RANBP2: variants seen among roughly 807,000 people sequenced by gnomAD.
RANBP2 encodes E3 SUMO-protein ligase RanBP2.
In RANBP2, 57 loss-of-function variants were observed where a neutral mutation model predicts 303.6. The ratio of observed to expected loss-of-function variants is 0.19; its 90% CI spans 0.15 to 0.23. RANBP2 has a LOEUF of 0.23. Ranked by LOEUF, RANBP2 falls within the 10% of genes least tolerant of loss-of-function variation. The pLI is 1.00. For missense variants in RANBP2, 3,138 were observed against 3,780.8 expected, an observed-to-expected ratio of 0.83 and a Z score of 4.46; for synonymous variants, 1,167 against 1,301.5, an observed-to-expected ratio of 0.90 and a Z score of 2.23.
At chr2:109,195,523 A>G in the RANBP2 span, among the ~76,000 whole-genome samples, 1 of 152,222 alleles carries the variant, frequency 6.6e-6, no homozygotes, top group Admixed American at 6.5e-5. Context: ...TACGTTCTTT[A>G]GAGGCCTGCT....
At chr2:108,793,621 G>A in the RANBP2 span, among the ~76,000 whole-genome samples, 685 of 150,746 alleles carry the variant, frequency 4.5e-3, 4 homozygotes, top group African/African-American at 0.016. Flanking sequence ...TTTTGAGATG[G>A]AGTCTCGCTC....
At chr2:109,422,951 G>A in the RANBP2 span, among the ~76,000 whole-genome samples, 2 of 152,142 alleles carry the variant, frequency 1.3e-5, no homozygotes, top group Non-Finnish European at 2.9e-5. Flanking sequence ...GCATCAGACC[G>A]ACACGCCTGG....
chr2:109,107,894 C>T, the RANBP2 span, among the ~76,000 whole-genome samples: 5 of 151,702 alleles, frequency 3.3e-5, no homozygotes, highest in Non-Finnish European at 5.9e-5. Context: ...TGCCACCATG[C>T]CCAGCTAATG....
chr2:109,009,702 C>CTTTTTTTTTT, the RANBP2 span, among the ~76,000 whole-genome samples: 3 of 123,124 alleles, frequency 2.4e-5, no homozygotes, highest in Non-Finnish European at 3.3e-5. Flanking sequence ...ACATTTTTAC[C>CTTTTTTTTTT]TTTTTTTTGT....
At chr2:109,277,534 C>T in the RANBP2 span, among the ~76,000 whole-genome samples, 3 of 152,272 alleles carry the variant, frequency 2.0e-5, no homozygotes, top group African/African-American at 4.8e-5. Context: ...AAGTGACAGG[C>T]GCTGGTCCGT....
chr2:109,630,747 G>T, the RANBP2 span, among the ~76,000 whole-genome samples: 8 of 152,206 alleles, frequency 5.3e-5, no homozygotes, highest in African/African-American at 1.9e-4. Flanking sequence ...AATGTTGAGG[G>T]ATGGATAGTA....
the RANBP2 span, among the ~76,000 whole-genome samples, chr2:109,338,367 G>T: frequency 6.6e-6 from 1 of 152,046 alleles, no homozygotes; most frequent in African/African-American, 2.4e-5. Flanking sequence ...CTCCTTGAGC[G>T]CTGGGGACCC....
chr2:109,493,822 C>T, the RANBP2 span, among the ~76,000 whole-genome samples: 1 of 152,120 alleles, frequency 6.6e-6, no homozygotes, highest in Non-Finnish European at 1.5e-5. Flanking sequence ...ACACTATACA[C>T]AAATTGTACA....
At chr2:109,255,801 G>T in the RANBP2 span, among the ~76,000 whole-genome samples, 52 of 152,338 alleles carry the variant, frequency 3.4e-4, 1 homozygote, top group South Asian at 0.011. Flanking sequence ...AAATGAAACC[G>T]CCCTGCCGAC....
the RANBP2 span, among the ~76,000 whole-genome samples, chr2:109,172,057 G>C: frequency 6.6e-6 from 1 of 152,226 alleles, no homozygotes; most frequent in Non-Finnish European, 1.5e-5. Flanking sequence ...TTGGTTGCTT[G>C]GTTTGGAGCA....
At chr2:109,631,102 T>C in the RANBP2 span, among the ~76,000 whole-genome samples, 1 of 152,088 alleles carries the variant, frequency 6.6e-6, no homozygotes, top group Non-Finnish European at 1.5e-5. Context: ...TATCCAAGAT[T>C]AATAACTTGA....
chr2:109,532,943 AAC>A, the RANBP2 span, among the ~76,000 whole-genome samples: 1 of 152,134 alleles, frequency 6.6e-6, no homozygotes, highest in Non-Finnish European at 1.5e-5. Context: ...TCATTCAATA[AAC>A]ACTCACTGGC....
the RANBP2 span, among the ~76,000 whole-genome samples, chr2:109,678,487 G>T: frequency 6.6e-6 from 1 of 152,238 alleles, no homozygotes; most frequent in Admixed American, 6.5e-5. Context: ...GGTCACCAAA[G>T]ACAGAGTTGC....
At chr2:109,093,406 TAA>T in the RANBP2 span, among the ~76,000 whole-genome samples, 4 of 90,674 alleles carry the variant, frequency 4.4e-5, no homozygotes, top group Non-Finnish European at 4.3e-5. Context: ...CGGAGATTTG[TAA>T]AAAAAAAAAA....
the RANBP2 span, among the ~76,000 whole-genome samples, chr2:109,573,515 C>T: frequency 0.025 from 3,823 of 152,178 alleles, 177 homozygotes; most frequent in African/African-American, 0.086. Flanking sequence ...TTTGCTAAAA[C>T]CAGGGGACCA....
the RANBP2 span, among the ~76,000 whole-genome samples, chr2:109,027,594 T>C: frequency 2.6e-5 from 4 of 152,308 alleles, no homozygotes; most frequent in East Asian, 7.7e-4. Context: ...GCTCCCCTCC[T>C]GTAAGTGGTG....
the RANBP2 span, chr2:109,437,063 C>G: frequency 6.2e-7 from 1 of 1,613,574 alleles, no homozygotes; most frequent in Non-Finnish European, 8.5e-7. Flanking sequence ...GCCCAGCACC[C>G]CACAGCCTCG....
the RANBP2 span, among the ~76,000 whole-genome samples, chr2:109,224,253 T>C: frequency 8.9e-3 from 1,352 of 152,274 alleles, 19 homozygotes; most frequent in African/African-American, 0.031. Context: ...CAAAATTAGG[T>C]TTTTACCAAG....
the RANBP2 span, among the ~76,000 whole-genome samples, chr2:109,401,591 A>G: frequency 6.6e-6 from 1 of 152,194 alleles, no homozygotes; most frequent in Non-Finnish European, 1.5e-5. Context: ...TTGGAGTTCT[A>G]AAAAAGGAGC....
Sources: gnomAD v4.1 joint callset for allele counts (sites outside exome capture counted in the v4.1 genomes callset) on GRCh38, gnomAD v4.1.1 for gene constraint, MANE v1.5 for transcripts, NCBI Gene and HGNC (gene_info 2026-07-23, HGNC 2026-07-21) for gene names.